The following MIPOL1 variants were observed in gnomAD, a reference collection of about 807,000 sequenced individuals.
MIPOL1 encodes the protein mirror-image polydactyly 1, also known as mirror-image polydactyly gene 1 protein.
In MIPOL1, 57 loss-of-function variants were observed where a neutral mutation model predicts 60.9. That is an observed-to-expected ratio of 0.94 (90% CI 0.76 to 1.17). The LOEUF is 1.17. Ranked by LOEUF, MIPOL1 falls within the 50% of genes most tolerant of loss-of-function variation. MIPOL1 has a pLI of 0.00. For synonymous variants in MIPOL1, 179 were observed against 168.8 expected, an observed-to-expected ratio of 1.06 and a Z score of -0.47; for missense variants, 551 against 511.6, an observed-to-expected ratio of 1.08 and a Z score of -0.74.
At chr14:37,242,952 G>C (rs1470180035) in intron 1 of MIPOL1, among the ~76,000 whole-genome samples, 2 of 152,114 alleles carry the variant, frequency 1.3e-5, no homozygotes. Context: ...CTAGAAGAGA[G>C]AATTCTAGGC....
At chr14:37,511,183 G>T (rs1313137875) in intron 12 of MIPOL1, among the ~76,000 whole-genome samples, 1 of 152,090 alleles carries the variant, frequency 6.6e-6, no homozygotes, top group Non-Finnish European at 1.5e-5. Context: ...GCCAGTATAG[G>T]CATATCATCA....
chr14:37,544,917 A>G (rs1237021142), intron 12 of MIPOL1, among the ~76,000 whole-genome samples: 1 of 152,226 alleles, frequency 6.6e-6, no homozygotes, highest in Admixed American at 6.5e-5. Flanking sequence ...AAAAGGAAAC[A>G]AAAGTAAGAT....
At chr14:37,262,898 G>A (rs1309712949) in intron 3 of MIPOL1, among the ~76,000 whole-genome samples, 1 of 152,104 alleles carries the variant, frequency 6.6e-6, no homozygotes, top group African/African-American at 2.4e-5. Flanking sequence ...ACAGATACCA[G>A]TTGTCACAAA....
At chr14:37,496,247 G>C (rs1213268716) in intron 11 of MIPOL1, among the ~76,000 whole-genome samples, 1 of 136,886 alleles carries the variant, frequency 7.3e-6, no homozygotes, top group Non-Finnish European at 1.6e-5. Flanking sequence ...GCACAAGACA[G>C]GGATGCCCTC....
At position 37,377,355 on chromosome 14, in the gene MIPOL1, C is replaced by G. The variant is rs535378405; in HGVS notation, c.936+7731C>G. 9.9e-5 allele frequency among the ~76,000 whole-genome samples: 15 copies of G among 152,170 alleles called. No individual in the cohort carries two copies. The East Asian group carries it at 2.9e-3, about 30-fold the overall frequency. ...AAGGGCAGATGAAGTAAACATCACTCCTTCCTCCCTTCTTATTACATGCTG... is the reference window on the plus strand; with the variant it reads ...AAGGGCAGATGAAGTAAACATCACTGCTTCCTCCCTTCTTATTACATGCTG... On this transcript the variant is annotated intron_variant, in intron 10 of 12. Coordinates refer to ENST00000684589, the MANE Select transcript of MIPOL1 (RefSeq NM_001388067.1).
chr14:37,535,804 C>T (rs1003645135), intron 12 of MIPOL1, among the ~76,000 whole-genome samples: 4 of 152,200 alleles, frequency 2.6e-5, no homozygotes, highest in Non-Finnish European at 4.4e-5. Context: ...AATTACATAT[C>T]TTAGGAGCTA....
chr14:37,376,694 T>G (rs1269416507), intron 10 of MIPOL1, among the ~76,000 whole-genome samples: 1 of 152,172 alleles, frequency 6.6e-6, no homozygotes, highest in East Asian at 1.9e-4. Context: ...GAAAATCATC[T>G]TTGTTGCTTC....
intron 9 of MIPOL1, among the ~76,000 whole-genome samples, chr14:37,331,835 T>TTC (rs1243357064): frequency 1.3e-5 from 2 of 152,152 alleles, no homozygotes; most frequent in Non-Finnish European, 2.9e-5. Context: ...TGAGTGTCCT[T>TTC]GTCTTGTTCG....
At chr14:37,499,411 C>A (rs2095181971) in intron 11 of MIPOL1, among the ~76,000 whole-genome samples, 1 of 152,016 alleles carries the variant, frequency 6.6e-6, no homozygotes, top group African/African-American at 2.4e-5. Flanking sequence ...TCATTTATAT[C>A]TCAACTGTGA....
At chr14:37,378,569 C>T (rs529047317) in intron 10 of MIPOL1, among the ~76,000 whole-genome samples, 2 of 150,880 alleles carry the variant, frequency 1.3e-5, no homozygotes, top group South Asian at 4.2e-4. Flanking sequence ...AGTGATGTAA[C>T]CATTCTGTAT....
intron 7 of MIPOL1, among the ~76,000 whole-genome samples, chr14:37,288,240 C>T (rs539686398): frequency 9.2e-5 from 14 of 151,902 alleles, no homozygotes; most frequent in African/African-American, 3.4e-4. Context: ...CTCCTAAGCT[C>T]AAGCAATCTG....
intron 9 of MIPOL1, among the ~76,000 whole-genome samples, chr14:37,342,571 T>C (rs1190519421): frequency 6.6e-6 from 1 of 151,882 alleles, no homozygotes; most frequent in Non-Finnish European, 1.5e-5. Context: ...CTAAGTTTTG[T>C]ATTTTTAGTA....
chr14:37,313,406 G>C (rs1420800949), intron 9 of MIPOL1, among the ~76,000 whole-genome samples: 1 of 152,134 alleles, frequency 6.6e-6, no homozygotes. Context: ...AAATGGGCAA[G>C]GCCTGGCACC....
At chr14:37,360,459 G>A (rs2092158428) in intron 9 of MIPOL1, among the ~76,000 whole-genome samples, 1 of 152,006 alleles carries the variant, frequency 6.6e-6, no homozygotes, top group Admixed American at 6.6e-5. Flanking sequence ...GGACTTTTTT[G>A]TTCAGTAGGC....
chr14:37,531,095 G>A (rs762357951), intron 12 of MIPOL1, among the ~76,000 whole-genome samples: 4 of 152,088 alleles, frequency 2.6e-5, no homozygotes, highest in African/African-American at 4.8e-5. Flanking sequence ...TGGGATTACA[G>A]GCGTGAACCA....
chr14:37,265,966 G>C lies in MIPOL1; in HGVS notation c.20-972G>C, dbSNP rs561612404. Among the ~76,000 whole-genome samples, 39 of 152,222 alleles carry C rather than the reference G, an allele frequency of 2.6e-4. 1 individual carries two copies. In the South Asian group the frequency reaches 7.7e-3, roughly 30 times the overall value. On this transcript the variant is annotated intron_variant, in intron 3 of 12. Transcript: ENST00000684589. ...AATAGAGCCATGTCACACAGTATGGGTTCTTTAAAAATATTAAACATTTAT... is the reference window on the plus strand; with the variant it reads ...AATAGAGCCATGTCACACAGTATGGCTTCTTTAAAAATATTAAACATTTAT...
intron 11 of MIPOL1, among the ~76,000 whole-genome samples, chr14:37,469,890 A>G (rs1412982077): frequency 6.6e-6 from 1 of 152,186 alleles, no homozygotes; most frequent in Non-Finnish European, 1.5e-5. Context: ...GAGCTAAATG[A>G]ACTTCTATTA....
At chr14:37,246,989 A>C (rs771287436) in intron 1 of MIPOL1, 114 bp from the exon 2 acceptor site, 8 of 152,196 alleles carry the variant, frequency 5.3e-5, no homozygotes, top group Non-Finnish European at 8.8e-5. Context: ...TTGGTATATG[A>C]ATCTCTTATT....
chr14:37,442,138 T>C (rs2094258338), intron 11 of MIPOL1, among the ~76,000 whole-genome samples: 1 of 150,466 alleles, frequency 6.6e-6, no homozygotes, highest in Admixed American at 6.7e-5. Context: ...GTGTCTATTG[T>C]AAATGGAATT....
Sources: allele counts gnomAD v4.1 joint callset (sites outside exome capture counted in the v4.1 genomes callset), GRCh38; gene constraint gnomAD v4.1.1; transcripts MANE v1.5; gene names NCBI Gene and HGNC (gene_info 2026-07-23, HGNC 2026-07-21).